The following NUP210L variants were observed in gnomAD, a reference collection of about 807,000 sequenced individuals.
NUP210L encodes nucleoporin 210 like.
Under a neutral mutation model 208.5 loss-of-function variants are expected in NUP210L, and 74 were observed. The ratio of observed to expected loss-of-function variants is 0.35; its 90% CI spans 0.29 to 0.43. The LOEUF (loss-of-function observed/expected upper bound fraction) is 0.43, where lower values mean the gene tolerates loss of function less well. Among genes scored for constraint, NUP210L ranks in the 20% least tolerant of loss-of-function variants. NUP210L has a pLI of 1.00. For synonymous variants in NUP210L, 780 were observed against 816.9 expected (o/e 0.95, Z 0.77); for missense variants, 1,843 against 2,289.4 (o/e 0.81, Z 3.98).
chr1:153,994,868 C>T (rs989898476), intron 38 of NUP210L, among the ~76,000 whole-genome samples: 3 of 151,468 alleles, frequency 2.0e-5, no homozygotes, highest in East Asian at 3.9e-4. Flanking sequence ...AAAAATTAGT[C>T]GGGAGCAGTG....
chr1:154,018,795 T>C (rs1651402443), intron 33 of NUP210L, 138 bp downstream of exon 33: 1 of 916,792 alleles, frequency 1.1e-6, no homozygotes, highest in Admixed American at 2.4e-5. Context: ...AGCTTTGTGT[T>C]CCAGTAAAGT....
exon 14 of NUP210L, chr1:154,100,070 T>C: frequency 6.2e-7 from 1 of 1,614,072 alleles, no homozygotes; most frequent in Non-Finnish European, 8.5e-7. Context: ...CACTTACTGT[T>C]ACCAGAGTAT....
rs544394976 is a variant in NUP210L at position 154,023,634 on chromosome 1, C to T, written c.4123-337G>A. ...CTGTGATTACAGGCATCTGCCACCA[C>T]GCCTGGTTAATTTTTCTATTCTTAG... On this transcript the variant is annotated intron_variant, in intron 30 of 39. Coordinates refer to ENST00000368559, the Ensembl canonical transcript of NUP210L. 3.3e-3 allele frequency among the ~76,000 whole-genome samples: 507 copies of T among 152,032 alleles called. 1 individual carries two copies. The highest frequency in any genetic ancestry group is 4.0e-3 in the Non-Finnish European group (271 of 67,978).
exon 16 of NUP210L, chr1:154,089,538 T>A: frequency 6.2e-7 from 1 of 1,614,092 alleles, no homozygotes; most frequent in Non-Finnish European, 8.5e-7. Context: ...GCAAAACCTC[T>A]ACAGCTGGAC....
intron 12 of NUP210L, among the ~76,000 whole-genome samples, chr1:154,105,923 G>A (rs866929620): frequency 7.9e-5 from 12 of 152,098 alleles, no homozygotes; most frequent in African/African-American, 2.9e-4. Flanking sequence ...GGGCAGTTGT[G>A]GCCACAAAGA....
At chr1:154,050,890 T>C (rs977252227) in intron 25 of NUP210L, among the ~76,000 whole-genome samples, 2 of 152,220 alleles carry the variant, frequency 1.3e-5, no homozygotes, top group Non-Finnish European at 2.9e-5. Flanking sequence ...GTTTTTCAGA[T>C]GCCCTATACT....
chr1:154,017,078 C>T (rs1052916733), intron 33 of NUP210L, among the ~76,000 whole-genome samples: 2 of 152,046 alleles, frequency 1.3e-5, no homozygotes, highest in African/African-American at 4.8e-5. Flanking sequence ...GCCAGTAGTT[C>T]GAGACCAGCC....
At chr1:154,107,953 A>T (rs1256783073) in intron 12 of NUP210L, among the ~76,000 whole-genome samples, 1 of 152,182 alleles carries the variant, frequency 6.6e-6, no homozygotes, top group Non-Finnish European at 1.5e-5. Flanking sequence ...ATGGCCACAA[A>T]ATGGCAAATC....
At chr1:154,067,946 G>C (rs959829615) in intron 17 of NUP210L, among the ~76,000 whole-genome samples, 3 of 152,044 alleles carry the variant, frequency 2.0e-5, no homozygotes, top group Non-Finnish European at 4.4e-5. Context: ...AAATAAAAGA[G>C]GACACAAACA....
At chr1:153,996,001 A>G (rs1306602721) in intron 37 of NUP210L, 5 of 381,080 alleles carry the variant, frequency 1.3e-5, no homozygotes, top group Admixed American at 3.4e-5. Context: ...GAGACTTAAA[A>G]AAAAAATGCG....
chr1:154,024,195 TAATC>T (rs1323734671), intron 30 of NUP210L, among the ~76,000 whole-genome samples: 2 of 152,218 alleles, frequency 1.3e-5, no homozygotes, highest in African/African-American at 4.8e-5. Context: ...TATGGTTAAA[TAATC>T]AATTACTTAT....
At chr1:154,072,680 C>T (rs967549447) in intron 16 of NUP210L, among the ~76,000 whole-genome samples, 6 of 152,088 alleles carry the variant, frequency 3.9e-5, no homozygotes, top group African/African-American at 2.4e-5. Context: ...AAATGACACC[C>T]TATTTAACGA....
rs1437475297 is a variant in NUP210L, at chr1:154,077,699, ATATGGCCGGGTGCGGTGGTCCACGCC to A, written c.2362-7260_2362-7235del. Among the ~76,000 whole-genome samples, 3 of 152,082 alleles carry A rather than the reference ATATGGCCGGGTGCGGTGGTCCACGCC, an allele frequency of 2.0e-5. No individual in the cohort carries two copies. In the East Asian group the frequency reaches 5.8e-4, roughly 29 times the overall value. ...TTTCTATCTGATTTAAAAGAAAAATATATGGCCGGGTGCGGTGGTCCACGCCTATAATCTCAGCAGTTAGGGAGGCT... is the reference window on the plus strand; with the variant it reads ...TTTCTATCTGATTTAAAAGAAAAATATATAATCTCAGCAGTTAGGGAGGCT... On this transcript the variant is annotated intron_variant, in intron 16 of 39. Coordinates refer to ENST00000368559, the Ensembl canonical transcript of NUP210L.
intron 27 of NUP210L, among the ~76,000 whole-genome samples, chr1:154,045,601 G>C (rs1387794958): frequency 6.6e-6 from 1 of 152,140 alleles, no homozygotes; most frequent in African/African-American, 2.4e-5. Context: ...TTGCTTTGCA[G>C]GTTTCCAGAG....
At chr1:154,086,662 A>T (rs1435250340) in intron 16 of NUP210L, among the ~76,000 whole-genome samples, 1 of 151,662 alleles carries the variant, frequency 6.6e-6, no homozygotes, top group Non-Finnish European at 1.5e-5. Context: ...AAAAAAAAAA[A>T]TTAGCTGGGT....
rs184192968 is a variant in NUP210L at position 154,092,917 on chromosome 1, G to T, written c.2187+2018C>A. On this transcript the variant is annotated intron_variant, in intron 15 of 39. Coordinates refer to ENST00000368559, the Ensembl canonical transcript of NUP210L. The stretch of plus-strand genomic sequence containing the variant: ...TTTTTTCTTTTTTAGTAGGGACAGG[G>T]TCTCACTATGTTGTCCAGGCTGGCC... Among the ~76,000 whole-genome samples, 20 of 152,006 alleles carry T rather than the reference G, an allele frequency of 1.3e-4. No individual in the cohort carries two copies. In the East Asian group the frequency reaches 3.9e-3, roughly 29 times the overall value.
intron 35 of NUP210L, among the ~76,000 whole-genome samples, chr1:154,006,946 G>GTGTATATATATATA (rs767785200): frequency 6.3e-5 from 6 of 95,426 alleles, no homozygotes; most frequent in African/African-American, 2.0e-4. Flanking sequence ...GTGTGTGTGT[G>GTGTATATATATATA]TATATATATA....
chr1:154,072,327 C>CTTTTTTTTTT (rs1213732819), intron 16 of NUP210L, among the ~76,000 whole-genome samples: 4 of 80,248 alleles, frequency 5.0e-5, no homozygotes, highest in South Asian at 4.5e-4. Context: ...ATGGCCATTC[C>CTTTTTTTTTT]TTTTTTTTTT....
At chr1:154,007,807 C>T (rs1650650365) in intron 35 of NUP210L, among the ~76,000 whole-genome samples, 1 of 151,854 alleles carries the variant, frequency 6.6e-6, no homozygotes, top group Non-Finnish European at 1.5e-5. Flanking sequence ...GTCTCCTGAC[C>T]TCGTGATCCG....
Sources: allele counts gnomAD v4.1 joint callset (sites outside exome capture counted in the v4.1 genomes callset), GRCh38; gene constraint gnomAD v4.1.1; transcripts MANE v1.5; gene names NCBI Gene and HGNC (gene_info 2026-07-23, HGNC 2026-07-21).